Variants in TMEM91 observed in about 807,000 individuals in gnomAD.
TMEM91 encodes the protein dispanin subfamily C member 3.
A neutral mutation model predicts 13.3 loss-of-function variants in TMEM91; 6 were observed. The ratio of observed to expected loss-of-function variants is 0.45; its 90% CI spans 0.25 to 0.89. The LOEUF is 0.89. Ranked by LOEUF, TMEM91 falls within the 40% of genes least tolerant of loss-of-function variation. The pLI is 0.19. For synonymous variants in TMEM91, 87 were observed against 101.7 expected, an observed-to-expected ratio of 0.86 and a Z score of 0.87; for missense variants, 193 against 228.7, an observed-to-expected ratio of 0.84 and a Z score of 1.01.
intron 2 of TMEM91, among the ~76,000 whole-genome samples, chr19:41,382,120 G>C (rs1284677675): frequency 6.6e-6 from 1 of 151,994 alleles, no homozygotes; most frequent in Non-Finnish European, 1.5e-5. Flanking sequence ...ACCCACCTCG[G>C]TCTCCCAAAG....
intron 1 of TMEM91, chr19:41,377,185 G>GGATAGGTGGTCACGCGGT: frequency 6.5e-6 from 1 of 154,414 alleles, no homozygotes; most frequent in African/African-American, 2.4e-5. Flanking sequence ...GCCTGGGCCT[G>GGATAGGTGGTCACGCGGT]ATGAGTGGGG....
intron 2 of TMEM91, among the ~76,000 whole-genome samples, chr19:41,379,137 CTTTTTTTTTTTTTT>C (rs569382453): frequency 9.2e-6 from 1 of 109,068 alleles, no homozygotes; most frequent in Admixed American, 9.3e-5. Flanking sequence ...CCCAGCCTTC[CTTTTTTTTTTTTTT>C]TTTTTTTTTT....
Position 41,383,677 on chromosome 19 carries a change from G to A in TMEM91, c.361-38G>A, listed in dbSNP as rs376346709. 38 of 1,613,896 alleles carry A rather than the reference G, an allele frequency of 2.4e-5. No homozygotes were observed. In the African/African-American group the frequency reaches 4.9e-4, roughly 21 times the overall value. On this transcript the variant is annotated intron_variant, in intron 3 of 3. Coordinates refer to ENST00000392002, the MANE Select transcript of TMEM91 (RefSeq NM_001098821.2). Reference sequence around the variant, plus strand: ...GACCAGGGGAAGGGTCTGGGACTGAGGGGATGCCTGGGTCACTGCTGCCCA... The same window carrying A: ...GACCAGGGGAAGGGTCTGGGACTGAAGGGATGCCTGGGTCACTGCTGCCCA...
At chr19:41,372,499 C>T (rs2038639890), upstream of TMEM91, among the ~76,000 whole-genome samples, 1 of 140,152 alleles carries the variant, frequency 7.1e-6, no homozygotes. Flanking sequence ...CTGTACCTGG[C>T]CAGCACTTTA....
At chr19:41,382,211 C>A (rs1346385878) in intron 2 of TMEM91, among the ~76,000 whole-genome samples, 3 of 152,158 alleles carry the variant, frequency 2.0e-5, no homozygotes, top group Non-Finnish European at 4.4e-5. Context: ...TTGTAGCGTC[C>A]ATGATTGGAT....
At position 41,364,601 on chromosome 19, in the gene TMEM91, C is replaced by T. The variant is rs80080194; in HGVS notation, c.-30+506C>T. Among the ~76,000 whole-genome samples the T allele has an allele frequency of 8.5e-3, 1,294 of 152,048 alleles. 16 individuals carry two copies. The highest frequency in any genetic ancestry group is 0.03 in the African/African-American group (1,231 of 41,458). ...TGGAGAAGTTGGGGAGTGGGTTCTG[C>T]TTCCGTTTTAGAGTTCCCCTAGGTT... On this transcript the variant is annotated intron_variant, in intron 1 of 3. Coordinates refer to the TMEM91 transcript ENST00000413014.
chr19:41,366,818 G>A (rs553743512), intron 1 of TMEM91, among the ~76,000 whole-genome samples: 44 of 152,072 alleles, frequency 2.9e-4, no homozygotes, highest in Non-Finnish European at 5.7e-4. Flanking sequence ...ATAAATTATC[G>A]TCAACTATAA....
At chr19:41,370,566 C>T (rs1647118486) in intron 1 of TMEM91, among the ~76,000 whole-genome samples, 1 of 151,786 alleles carries the variant, frequency 6.6e-6, no homozygotes, top group African/African-American at 2.4e-5. Context: ...GCCACCTTGT[C>T]CAGCTAATTT....
chr19:41,365,020 C>G (rs1379847898), intron 1 of TMEM91, among the ~76,000 whole-genome samples: 1 of 151,916 alleles, frequency 6.6e-6, no homozygotes, highest in Non-Finnish European at 1.5e-5. Flanking sequence ...GTATCACAGA[C>G]ATGCACCACC....
At chr19:41,365,331 C>T (rs1002859308) in intron 1 of TMEM91, among the ~76,000 whole-genome samples, 1 of 152,186 alleles carries the variant, frequency 6.6e-6, no homozygotes, top group Non-Finnish European at 1.5e-5. Context: ...ATGCATATAT[C>T]AACTAGTGAA....
At chr19:41,375,273 C>CTTTTTTTTTTTTTTT (rs906641411), upstream of TMEM91, among the ~76,000 whole-genome samples, 66 of 58,642 alleles carry the variant, frequency 1.1e-3, 2 homozygotes, top group Middle Eastern at 0.036. Context: ...ATTTTCTTTT[C>CTTTTTTTTTTTTTTT]TTTTTTTTTT....
intron 3 of TMEM91, chr19:41,383,146 T>C: frequency 3.5e-6 from 2 of 575,918 alleles, no homozygotes; most frequent in Admixed American, 3.5e-5. Context: ...CTCTGCCTCT[T>C]GGGTTCAAGT....
chr19:41,383,644 G>A (rs369444619), intron 3 of TMEM91, 71 bp from the exon 4 acceptor site: 12 of 1,614,046 alleles, frequency 7.4e-6, no homozygotes, highest in East Asian at 2.2e-5. Flanking sequence ...TATGTTGGGT[G>A]GGGGAGGGAC....
intron 2 of TMEM91, among the ~76,000 whole-genome samples, chr19:41,379,137 C>CT (rs569382453): frequency 0.025 from 2,756 of 109,020 alleles, 81 homozygotes; most frequent in East Asian, 0.093. Flanking sequence ...CCCAGCCTTC[C>CT]TTTTTTTTTT....
Position 41,382,903 on chromosome 19 carries a change from C to T in TMEM91, c.342C>T (p.Ala114=). 1 of 1,614,162 alleles carries T rather than the reference C, an allele frequency of 6.2e-7. No homozygotes were observed. Among genetic ancestry groups the T allele is most frequent in the Non-Finnish European group, 8.5e-7 (1 of 1,180,038 alleles). The part of the protein sequence containing the change: ...LCCFWPVGIA[A]FCLAQKTNKA... ...GTTTCTGGCCCGTTGGCATCGCTGC[C>T]TTCTGTCTAGCCCAGAAGGTCAGTC... is the stretch of plus-strand genomic sequence containing the variant. The change falls in exon 3 of 4, where the codon GCC becomes GCT. Residue 114 remains alanine, a synonymous_variant. Transcript: ENST00000392002.
At chr19:41,382,578 T>C (rs1262361678) in intron 2 of TMEM91, among the ~76,000 whole-genome samples, 194 bp from the exon 3 acceptor site, 1 of 152,192 alleles carries the variant, frequency 6.6e-6, no homozygotes. Flanking sequence ...TGTGCCATTG[T>C]ACCCCAGCCT....
chr19:41,373,400 G>A (rs1286082960), upstream of TMEM91, among the ~76,000 whole-genome samples: 3 of 151,574 alleles, frequency 2.0e-5, no homozygotes, highest in Non-Finnish European at 2.9e-5. Context: ...CAATGATTTG[G>A]TGAAAAACTG....
At chr19:41,383,060 C>A in intron 3 of TMEM91, 139 bp downstream of exon 3, 4 of 1,283,830 alleles carry the variant, frequency 3.1e-6, no homozygotes, top group Non-Finnish European at 3.2e-6. Flanking sequence ...GTCTGCCACT[C>A]TCTGCAAGAT....
At chr19:41,374,904 A>G (rs899956824), upstream of TMEM91, among the ~76,000 whole-genome samples, 2 of 152,042 alleles carry the variant, frequency 1.3e-5, no homozygotes, top group African/African-American at 4.8e-5. Flanking sequence ...AATCGCTTGA[A>G]CCTGGGAGGC....
Sources: allele counts gnomAD v4.1 joint callset (sites outside exome capture counted in the v4.1 genomes callset), GRCh38; gene constraint gnomAD v4.1.1; transcripts MANE v1.5; gene names NCBI Gene and HGNC (gene_info 2026-07-23, HGNC 2026-07-21).